PIAS1: variants seen among roughly 807,000 people sequenced by gnomAD.
PIAS1 encodes the protein E3 SUMO-protein ligase PIAS1.
A neutral mutation model predicts 71.3 loss-of-function variants in PIAS1; 6 were observed. That is an observed-to-expected ratio of 0.08 (90% CI 0.05 to 0.17). The LOEUF (loss-of-function observed/expected upper bound fraction) is 0.17, where lower values mean the gene tolerates loss of function less well. Ranked by LOEUF, PIAS1 falls within the 10% of genes least tolerant of loss-of-function variation. The probability of loss-of-function intolerance (pLI) is 1.00; values close to 1 mark genes in which losing one functional copy is unlikely to be tolerated. For missense variants in PIAS1, 555 were observed against 793.6 expected, an observed-to-expected ratio of 0.70 and a Z score of 3.61; for synonymous variants, 303 against 292.9, an observed-to-expected ratio of 1.03 and a Z score of -0.35.
chr15:68,081,243 C>T (rs1000591972), intron 1 of PIAS1, among the ~76,000 whole-genome samples: 1 of 152,108 alleles, frequency 6.6e-6, no homozygotes, highest in African/African-American at 2.4e-5. Context: ...ACTACTCTGC[C>T]CTTAGAACAC....
rs573940166 is a variant in PIAS1, at chr15:68,123,118, C to T, written c.470-18828C>T. 4.6e-4 allele frequency among the ~76,000 whole-genome samples: 70 copies of T among 152,088 alleles called. 1 individual carries two copies. The highest frequency in any genetic ancestry group is 6.8e-3 in the Middle Eastern group (2 of 294). ...CCAGGCTGGAATGCAGTGGTACAAGCGTAGCTCACTGCAACCTCAAACTCC... is the reference window on the plus strand; with the variant it reads ...CCAGGCTGGAATGCAGTGGTACAAGTGTAGCTCACTGCAACCTCAAACTCC... On this transcript the variant is annotated intron_variant, in intron 2 of 13. Coordinates refer to ENST00000249636, the MANE Select transcript of PIAS1 (RefSeq NM_016166.3).
Position 68,189,681 on chromosome 15 carries a change from T to C in PIAS1, c.*1846T>C, listed in dbSNP as rs1383531359. The C allele has an allele frequency of 6.7e-6, 1 of 150,082 alleles. No homozygotes were observed. The highest frequency in any genetic ancestry group is 1.9e-4 in the East Asian group (1 of 5,196). The allele number at this position is 150,082 out of a possible 1,614,324, so 9.3% of individuals were successfully genotyped here. ...GTATTTATAAACAAGTGTGTTTGAG[T>C]AACAAGTGAGTTTCATAGTCTTCCC... On this transcript the variant is annotated 3_prime_UTR_variant, in exon 14 of 14. Transcript: ENST00000249636.
chr15:68,125,613 T>G (rs2092644800), intron 2 of PIAS1, among the ~76,000 whole-genome samples: 1 of 152,230 alleles, frequency 6.6e-6, no homozygotes, highest in South Asian at 2.1e-4. Flanking sequence ...AGAATAATTT[T>G]CCTTTAGAAT....
At chr15:68,123,687 A>G (rs1396394857) in intron 2 of PIAS1, among the ~76,000 whole-genome samples, 1 of 152,196 alleles carries the variant, frequency 6.6e-6, no homozygotes, top group African/African-American at 2.4e-5. Flanking sequence ...ATTTAAAATT[A>G]CTCAGAGCCA....
Position 68,089,798 on chromosome 15 carries a change from C to T in PIAS1, c.469+3048C>T, listed in dbSNP as rs372822325. 4.1e-4 allele frequency among the ~76,000 whole-genome samples: 63 copies of T among 152,164 alleles called. 1 individual carries two copies. Among genetic ancestry groups the T allele is most frequent in the East Asian group, 3.3e-3 (17 of 5,178 alleles). On this transcript the variant is annotated intron_variant, in intron 2 of 13. Coordinates refer to ENST00000249636, the MANE Select transcript of PIAS1 (RefSeq NM_016166.3). ...CTTGAGCTCCTGACCTCAGTTGATC[C>T]GCCCACCTCGGCCTCCCAAAGTGCT... is the stretch of plus-strand genomic sequence containing the variant.
In PIAS1 at chr15:68,174,195, G is replaced by A. The variant is rs963804058; in HGVS notation, c.1169+303G>A. On this transcript the variant is annotated intron_variant, in intron 9 of 13. Coordinates refer to ENST00000249636, the MANE Select transcript of PIAS1 (RefSeq NM_016166.3). The surrounding 1 kb of genome is among the most constrained non-coding windows in gnomAD (Gnocchi z 4.0). ...ATACCTTTTCCTTTTCCTGTCATTAGTCCATCCATCCCTAGATATGCAGAC... is the reference window on the plus strand; with the variant it reads ...ATACCTTTTCCTTTTCCTGTCATTAATCCATCCATCCCTAGATATGCAGAC... Among the ~76,000 whole-genome samples the A allele has an allele frequency of 6.6e-6, 1 of 152,146 alleles. No homozygotes were observed. Among genetic ancestry groups the A allele is most frequent in the Non-Finnish European group, 1.5e-5 (1 of 68,032 alleles).
At chr15:68,115,281 A>G (rs746514695) in intron 2 of PIAS1, among the ~76,000 whole-genome samples, 2 of 152,174 alleles carry the variant, frequency 1.3e-5, no homozygotes, top group Non-Finnish European at 2.9e-5. Context: ...TGGTAAGAGT[A>G]TGTTTAGCTT....
intron 2 of PIAS1, among the ~76,000 whole-genome samples, chr15:68,122,724 G>A (rs1275366745): frequency 6.6e-6 from 1 of 151,940 alleles, no homozygotes; most frequent in Non-Finnish European, 1.5e-5. Flanking sequence ...CATAAAGTGG[G>A]GAACAAATGA....
chr15:68,117,561 A>G (rs926925120), intron 2 of PIAS1, among the ~76,000 whole-genome samples: 1 of 152,064 alleles, frequency 6.6e-6, no homozygotes, highest in South Asian at 2.1e-4. Context: ...TCTATTCTCT[A>G]CTTCTGTGAG....
chr15:68,127,984 C>T lies in PIAS1; in HGVS notation c.470-13962C>T, dbSNP rs758396213. ...TTCACCATGTCAGCCAGGCTGGTTT[C>T]GAACTCCTGACTTCAAGTGATCTGT... On this transcript the variant is annotated intron_variant, in intron 2 of 13. Transcript: ENST00000249636. 3.3e-5 allele frequency among the ~76,000 whole-genome samples: 5 copies of T among 152,056 alleles called. 1 individual carries two copies. The South Asian group carries it at 6.2e-4, about 19-fold the overall frequency.
intron 2 of PIAS1, among the ~76,000 whole-genome samples, chr15:68,107,053 A>G (rs902317545): frequency 6.6e-6 from 1 of 152,216 alleles, no homozygotes; most frequent in African/African-American, 2.4e-5. Context: ...ACTGACCTAG[A>G]GAACCATATT....
intron 8 of PIAS1, among the ~76,000 whole-genome samples, chr15:68,165,090 G>A (rs2092948828): frequency 6.6e-6 from 1 of 151,998 alleles, no homozygotes; most frequent in South Asian, 2.1e-4. Context: ...TTGTCTCAGT[G>A]TATTTATAAA....
chr15:68,165,941 A>G (rs376449120), intron 8 of PIAS1, among the ~76,000 whole-genome samples: 16 of 152,298 alleles, frequency 1.1e-4, no homozygotes, highest in South Asian at 2.1e-4. Context: ...CTGAGATCCT[A>G]TTAATCTCAG....
At chr15:68,075,859 A>G (rs1567029901) in intron 1 of PIAS1, among the ~76,000 whole-genome samples, 1 of 148,150 alleles carries the variant, frequency 6.7e-6, no homozygotes, top group African/African-American at 2.5e-5. Context: ...TTGGCTCACT[A>G]CAACCTCGGC....
chr15:68,139,382 T>G (rs570285177), intron 2 of PIAS1, among the ~76,000 whole-genome samples: 1 of 152,328 alleles, frequency 6.6e-6, no homozygotes, highest in Admixed American at 6.5e-5. Flanking sequence ...GAAAGGAAGG[T>G]TGAACTCTAG....
chr15:68,170,926 C>G (rs1010252750), intron 8 of PIAS1, among the ~76,000 whole-genome samples: 3 of 152,154 alleles, frequency 2.0e-5, no homozygotes, highest in Non-Finnish European at 2.9e-5. Context: ...CTGGTGTGAG[C>G]CACCACACCT....
intron 9 of PIAS1, among the ~76,000 whole-genome samples, chr15:68,175,364 T>G (rs1388449893): frequency 6.6e-6 from 1 of 152,212 alleles, no homozygotes; most frequent in African/African-American, 2.4e-5. Context: ...AGGTAACTAC[T>G]GTCTATATAC....
At chr15:68,163,534 C>T (rs992338981) in intron 7 of PIAS1, among the ~76,000 whole-genome samples, 1 of 152,086 alleles carries the variant, frequency 6.6e-6, no homozygotes, top group Non-Finnish European at 1.5e-5. Flanking sequence ...CTGATGTGCA[C>T]CTTACTTGAG....
At chr15:68,105,520 A>C (rs886794861) in intron 2 of PIAS1, among the ~76,000 whole-genome samples, 1 of 152,126 alleles carries the variant, frequency 6.6e-6, no homozygotes, top group African/African-American at 2.4e-5. Flanking sequence ...TTCCGGAATA[A>C]AGAATCTGGA....
Sources: allele counts gnomAD v4.1 joint callset (sites outside exome capture counted in the v4.1 genomes callset), GRCh38; gene constraint gnomAD v4.1.1; non-coding constraint Gnocchi (gnomAD v3.1); transcripts MANE v1.5; gene names NCBI Gene and HGNC (gene_info 2026-07-23, HGNC 2026-07-21).